SESN1: variants seen among roughly 807,000 people sequenced by gnomAD.
SESN1 encodes the protein sestrin 1, also known as sestrin-1.
A neutral mutation model predicts 59.3 loss-of-function variants in SESN1; 30 were observed. The ratio of observed to expected loss-of-function variants is 0.51; its 90% CI spans 0.38 to 0.69. The LOEUF is 0.69. Among genes scored for constraint, SESN1 ranks in the 30% least tolerant of loss-of-function variants. SESN1 has a pLI of 0.00. For synonymous variants in SESN1, 197 were observed against 219.9 expected (o/e 0.90, Z 0.92); for missense variants, 566 against 673.0 (o/e 0.84, Z 1.76).
intron 1 of SESN1, among the ~76,000 whole-genome samples, chr6:109,051,297 T>A (rs978688406): frequency 2.0e-5 from 3 of 151,826 alleles, no homozygotes; most frequent in South Asian, 2.1e-4. Flanking sequence ...TAAAGATTTT[T>A]AAAAATTATT....
Position 108,987,517 on chromosome 6 carries a change from A to G in SESN1, c.*27T>C. Reference sequence around the variant, plus strand: ...GTAGACTATATCTGCTGATCATTCCAGAATCATCTTTAATGAAGGAAAGGC... The same window carrying G: ...GTAGACTATATCTGCTGATCATTCCGGAATCATCTTTAATGAAGGAAAGGC... On this transcript the variant is annotated 3_prime_UTR_variant, in exon 10 of 10. Transcript: ENST00000436639. 1 of 1,315,068 alleles carries G rather than the reference A, an allele frequency of 7.6e-7. No individual in the cohort carries two copies. 81.5% of individuals were successfully genotyped at this position (1,315,068 alleles called of 1,614,324 possible). A position where few individuals can be genotyped will look rare whatever the true frequency, so the allele number is the denominator to read the frequency against.
intron 1 of SESN1, among the ~76,000 whole-genome samples, chr6:109,049,238 T>C (rs76439745): frequency 0.015 from 2,348 of 152,170 alleles, 57 homozygotes; most frequent in African/African-American, 0.054. Flanking sequence ...GCAACATGGA[T>C]GGAACTGAAT....
chr6:108,987,656 A>G, intron 9 of SESN1, 26 bp from the exon 10 acceptor site: 3 of 1,262,698 alleles, frequency 2.4e-6, no homozygotes, highest in Non-Finnish European at 3.5e-6. Flanking sequence ...AACATCATAT[A>G]AGGAAGGGTT....
Position 109,007,773 on chromosome 6 carries a change from A to G in SESN1, c.280-5430T>C, listed in dbSNP as rs184884868. 2.8e-3 allele frequency among the ~76,000 whole-genome samples: 421 copies of G among 149,442 alleles called. 5 individuals are homozygous for G. Among genetic ancestry groups the G allele is most frequent in the African/African-American group, 9.9e-3 (398 of 40,370 alleles). On this transcript the variant is annotated intron_variant, in intron 1 of 9. Coordinates refer to ENST00000436639, the MANE Select transcript of SESN1 (RefSeq NM_014454.3). ...ACTAATAGGTAATTCAGAAATACTG[A>G]AAGTCCAGGTACTTTTTTTTTTTTT...
intron 1 of SESN1, among the ~76,000 whole-genome samples, chr6:109,052,926 C>T (rs1201614661): frequency 6.6e-6 from 1 of 152,090 alleles, no homozygotes; most frequent in African/African-American, 2.4e-5. Flanking sequence ...ATAATCTAGT[C>T]AAGGGAGACA....
At chr6:109,017,063 C>A (rs570887933) in intron 1 of SESN1, among the ~76,000 whole-genome samples, 1 of 151,450 alleles carries the variant, frequency 6.6e-6, no homozygotes, top group Admixed American at 6.6e-5. Context: ...TAGACCAGAC[C>A]CAGGACAGGC....
At chr6:109,055,861 A>G (rs760094601) in intron 1 of SESN1, among the ~76,000 whole-genome samples, 4 of 152,142 alleles carry the variant, frequency 2.6e-5, no homozygotes, top group African/African-American at 4.8e-5. Flanking sequence ...GTTACTCAAT[A>G]TGTTTGTGGT....
At chr6:109,005,224 T>A (rs1319632971) in intron 1 of SESN1, among the ~76,000 whole-genome samples, 1 of 152,032 alleles carries the variant, frequency 6.6e-6, no homozygotes, top group Non-Finnish European at 1.5e-5. Flanking sequence ...TATAATAGAG[T>A]AGCATGCAGT....
intron 1 of SESN1, among the ~76,000 whole-genome samples, chr6:109,035,558 A>AC (rs1185865189): frequency 9.2e-5 from 14 of 151,960 alleles, no homozygotes; most frequent in African/African-American, 1.2e-4. Flanking sequence ...GAAAAAAAAA[A>AC]AGGAAAAGGA....
chr6:109,046,564 C>T (rs1030984900), intron 1 of SESN1, among the ~76,000 whole-genome samples: 2 of 144,476 alleles, frequency 1.4e-5, no homozygotes, highest in Non-Finnish European at 3.1e-5. Flanking sequence ...ATGTGAGGAG[C>T]CCCTCTGCCT....
intron 1 of SESN1, among the ~76,000 whole-genome samples, chr6:109,083,141 A>T (rs1412683523): frequency 6.6e-6 from 1 of 152,226 alleles, no homozygotes; most frequent in Admixed American, 6.5e-5. Flanking sequence ...TTTTAGAACC[A>T]TACCACAAGG....
intron 1 of SESN1, among the ~76,000 whole-genome samples, chr6:109,077,219 T>A (rs541082959): frequency 1.3e-5 from 2 of 152,298 alleles, no homozygotes; most frequent in South Asian, 2.1e-4. Flanking sequence ...TTTCACATAC[T>A]TTTTCCCCAT....
intron 1 of SESN1, among the ~76,000 whole-genome samples, chr6:109,069,818 A>G (rs1780900499): frequency 6.6e-6 from 1 of 152,158 alleles, no homozygotes; most frequent in African/African-American, 2.4e-5. Context: ...TCAGCCTTCT[A>G]AAGTGCTGGG....
chr6:109,012,680 A>T (rs1779879129), intron 1 of SESN1, among the ~76,000 whole-genome samples: 1 of 152,146 alleles, frequency 6.6e-6, no homozygotes, highest in African/African-American at 2.4e-5. Flanking sequence ...GGGAGAATAG[A>T]CACAGAGTTC....
At chr6:109,012,683 C>T (rs1439363380) in intron 1 of SESN1, among the ~76,000 whole-genome samples, 2 of 151,966 alleles carry the variant, frequency 1.3e-5, no homozygotes, top group African/African-American at 4.8e-5. Flanking sequence ...AGAATAGACA[C>T]AGAGTTCTAA....
At chr6:109,079,799 C>T (rs1781089586) in intron 1 of SESN1, among the ~76,000 whole-genome samples, 1 of 152,034 alleles carries the variant, frequency 6.6e-6, no homozygotes, top group South Asian at 2.1e-4. Flanking sequence ...AAACACAATC[C>T]TTTATGATTC....
intron 9 of SESN1, 41 bp downstream of exon 9, chr6:108,988,502 T>C (rs1390892680): frequency 1.2e-5 from 18 of 1,554,890 alleles, no homozygotes; most frequent in Non-Finnish European, 1.5e-5. Flanking sequence ...CTACGAATCA[T>C]TGCTAAGTTA....
chr6:109,043,491 C>T (rs907780794), intron 1 of SESN1, among the ~76,000 whole-genome samples: 8 of 152,116 alleles, frequency 5.3e-5, no homozygotes, highest in Middle Eastern at 3.4e-3. Context: ...TAAAAAACAA[C>T]GAATTCCTAG....
chr6:109,001,371 C>T lies in SESN1; in HGVS notation c.463G>A (p.Glu155Lys), dbSNP rs768245807. 6.2e-7 allele frequency: 1 copy of T among 1,613,836 alleles called. No individual in the cohort carries two copies. The highest frequency in any genetic ancestry group is 1.7e-5 in the Admixed American group (1 of 60,000). ...TAGTGCTGAGTTTTTAAGAAACTTT[C>T]TAAATATTGTGGGTGGAAAACCATC... ...LVMVFHPQYL[E>K]SFLKTQHYLL... Residue 155 changes from glutamate (E) to lysine (K), a missense_variant, in exon 3 of 10, where the codon GAA (glutamate) becomes AAA (lysine). Physicochemically the swap from Glu to Lys is moderately conservative, Grantham distance 56. Coordinates refer to ENST00000436639, the MANE Select transcript of SESN1 (RefSeq NM_014454.3).
Sources: gnomAD v4.1 joint callset for allele counts (sites outside exome capture counted in the v4.1 genomes callset) on GRCh38, gnomAD v4.1.1 for gene constraint, MANE v1.5 for transcripts, NCBI Gene and HGNC (gene_info 2026-07-23, HGNC 2026-07-21) for gene names.